BEND5: variants seen among roughly 807,000 people sequenced by gnomAD.
BEND5 encodes BEN domain-containing protein 5.
BEND5 carries 22 observed loss-of-function variants against 43.9 expected under a neutral mutation model. The observed-to-expected ratio is 0.50, with a 90% CI of 0.36 to 0.72. The LOEUF is 0.72. Ranked by LOEUF, BEND5 falls within the 30% of genes least tolerant of loss-of-function variation. The pLI is 0.00. For synonymous variants in BEND5, 228 were observed against 225.9 expected (o/e 1.01, Z -0.08); for missense variants, 428 against 550.6 (o/e 0.78, Z 2.23).
chr1:48,733,037 TA>T (rs1233113789), intron 5 of BEND5, among the ~76,000 whole-genome samples: 1 of 152,082 alleles, frequency 6.6e-6, no homozygotes, highest in African/African-American at 2.4e-5. Flanking sequence ...GAAAACACAT[TA>T]AGCAGAAGGC....
chr1:48,747,815 C>T (rs890274861), intron 3 of BEND5, among the ~76,000 whole-genome samples: 4 of 152,142 alleles, frequency 2.6e-5, no homozygotes, highest in South Asian at 2.1e-4. Flanking sequence ...GTGTGACTTC[C>T]GGGTTTAGAA....
At chr1:48,732,427 C>T (rs987368062) in intron 5 of BEND5, among the ~76,000 whole-genome samples, 10 of 152,034 alleles carry the variant, frequency 6.6e-5, no homozygotes, top group Admixed American at 2.6e-4. Context: ...GAACAAGATG[C>T]TCATAAAGTT....
intron 3 of BEND5, among the ~76,000 whole-genome samples, chr1:48,750,136 T>TG (rs1372886972): frequency 3.3e-5 from 5 of 152,196 alleles, no homozygotes; most frequent in African/African-American, 1.2e-4. Context: ...AGGGACCATA[T>TG]GGGATTCATC....
rs562378095 is a variant in BEND5, at chr1:48,728,990, G to C, written c.1109-947C>G. ...TTTGCTGTGATAAAGCAAAAAGCCA[G>C]CTCCAGACAAGGTCTGGCTGGAGCC... On this transcript the variant is annotated intron_variant, in intron 5 of 5. Coordinates refer to ENST00000371833, the MANE Select transcript of BEND5 (RefSeq NM_024603.4). 2.6e-5 allele frequency among the ~76,000 whole-genome samples: 4 copies of C among 152,332 alleles called. No homozygotes were observed. In the East Asian group the frequency reaches 5.8e-4, roughly 22 times the overall value.
At chr1:48,769,011 C>G (rs1218312439) in intron 1 of BEND5, among the ~76,000 whole-genome samples, 1 of 152,126 alleles carries the variant, frequency 6.6e-6, no homozygotes, top group African/African-American at 2.4e-5. Flanking sequence ...TCAGGAGACA[C>G]CAAATCGAGG....
chr1:48,731,808 G>C (rs891200869), intron 5 of BEND5, among the ~76,000 whole-genome samples: 1 of 152,182 alleles, frequency 6.6e-6, no homozygotes, highest in African/African-American at 2.4e-5. Context: ...AGATTACACA[G>C]GTGCTTCTAT....
intron 4 of BEND5, among the ~76,000 whole-genome samples, chr1:48,742,069 C>T (rs950197233): frequency 6.6e-6 from 1 of 152,150 alleles, no homozygotes; most frequent in African/African-American, 2.4e-5. Flanking sequence ...TCTATAAGGT[C>T]CTAGGACTGT....
chr1:48,747,108 T>C (rs1283729997), intron 3 of BEND5, among the ~76,000 whole-genome samples: 1 of 152,216 alleles, frequency 6.6e-6, no homozygotes, highest in East Asian at 1.9e-4. Context: ...TTCTGAGGCA[T>C]TGTTCTCCCT....
At chr1:48,773,800 C>A (rs1644949075) in intron 1 of BEND5, among the ~76,000 whole-genome samples, 1 of 152,154 alleles carries the variant, frequency 6.6e-6, no homozygotes, top group African/African-American at 2.4e-5. Flanking sequence ...GTGTCCTCAT[C>A]TATGAAATGG....
intron 4 of BEND5, among the ~76,000 whole-genome samples, chr1:48,739,100 A>G (rs1649514463): frequency 1.3e-5 from 2 of 152,220 alleles, no homozygotes; most frequent in South Asian, 2.1e-4. Context: ...ATGTTCAGTT[A>G]GTTTTCCTTT....
chr1:48,756,933 C>T (rs564510948), intron 3 of BEND5, among the ~76,000 whole-genome samples: 34 of 152,328 alleles, frequency 2.2e-4, no homozygotes, highest in East Asian at 1.4e-3. Flanking sequence ...CAATGGCCTT[C>T]AAGGCCTGTG....
At chr1:48,743,505 A>T (rs1389268274) in intron 3 of BEND5, among the ~76,000 whole-genome samples, 1 of 152,230 alleles carries the variant, frequency 6.6e-6, no homozygotes, top group Non-Finnish European at 1.5e-5. Context: ...GAGAAACAGG[A>T]TGAAAATGGG....
At chr1:48,745,324 G>C (rs1043226847) in intron 3 of BEND5, among the ~76,000 whole-genome samples, 5 of 152,180 alleles carry the variant, frequency 3.3e-5, no homozygotes, top group African/African-American at 1.2e-4. Flanking sequence ...CCGAGAAGTA[G>C]AAATCAGGGC....
intron 2 of BEND5, 52 bp from the exon 3 acceptor site, chr1:48,759,336 G>C: frequency 4.6e-6 from 7 of 1,527,060 alleles, no homozygotes; most frequent in Non-Finnish European, 6.2e-6. Flanking sequence ...GGATTTTCTT[G>C]GACTGCAGAT....
At chr1:48,757,005 A>G (rs552368707) in intron 3 of BEND5, among the ~76,000 whole-genome samples, 2 of 152,324 alleles carry the variant, frequency 1.3e-5, no homozygotes, top group South Asian at 2.1e-4. Flanking sequence ...GTTTTTCTAC[A>G]TGTTTTAGGA....
chr1:48,742,420 GAAA>G (rs963819734), intron 4 of BEND5, among the ~76,000 whole-genome samples, 200 bp downstream of exon 4: 4 of 75,942 alleles, frequency 5.3e-5, no homozygotes, highest in Non-Finnish European at 1.1e-4. Context: ...AAGAAAGAAA[GAAA>G]AAAAAAAGGA....
intron 1 of BEND5, among the ~76,000 whole-genome samples, chr1:48,769,765 G>A (rs2148687866): frequency 6.6e-6 from 1 of 152,138 alleles, no homozygotes; most frequent in African/African-American, 2.4e-5. Context: ...ATATTATCCT[G>A]CTAAATAACA....
intron 5 of BEND5, among the ~76,000 whole-genome samples, chr1:48,728,615 T>G (rs1046995148): frequency 6.6e-6 from 1 of 152,228 alleles, no homozygotes; most frequent in African/African-American, 2.4e-5. Flanking sequence ...TTATCCATTT[T>G]ATTGTCAATG....
chr1:48,748,055 G>A (rs72904841), intron 3 of BEND5, among the ~76,000 whole-genome samples: 1,989 of 152,086 alleles, frequency 0.013, 47 homozygotes, highest in African/African-American at 0.046. Context: ...TCCTAAATGC[G>A]TACAGAACAT....
Sources: gnomAD v4.1 joint callset for allele counts (sites outside exome capture counted in the v4.1 genomes callset) on GRCh38, gnomAD v4.1.1 for gene constraint, MANE v1.5 for transcripts, NCBI Gene and HGNC (gene_info 2026-07-23, HGNC 2026-07-21) for gene names.